Variants in MCF2L observed in about 807,000 individuals in gnomAD.
The protein encoded by MCF2L is guanine nucleotide exchange factor DBS.
MCF2L carries 97 observed loss-of-function variants against 153.4 expected under a neutral mutation model. The ratio of observed to expected loss-of-function variants is 0.63; its 90% CI spans 0.54 to 0.75. The LOEUF (loss-of-function observed/expected upper bound fraction) is 0.75. Ranked by LOEUF, MCF2L falls within the 30% of genes least tolerant of loss-of-function variation. The probability of loss-of-function intolerance (pLI) is 0.00; values close to 1 mark genes in which losing one functional copy is unlikely to be tolerated. For missense variants in MCF2L, 1,347 were observed against 1,495.2 expected (o/e 0.90, Z 1.64); for synonymous variants, 659 against 632.2 (o/e 1.04, Z -0.64).
At chr13:113,034,188 G>A (rs2141406816) in intron 3 of MCF2L, 1 of 148,538 alleles carries the variant, frequency 6.7e-6, no homozygotes, top group Admixed American at 6.7e-5. Flanking sequence ...CCAGGCTGGA[G>A]TGCGGTGGCA....
intron 2 of MCF2L, among the ~76,000 whole-genome samples, chr13:113,016,485 A>G (rs1308762467): frequency 6.6e-6 from 1 of 152,166 alleles, no homozygotes; most frequent in Non-Finnish European, 1.5e-5. Flanking sequence ...GTGGGCCCAG[A>G]GACCCTGAGC....
chr13:112,915,721 TTTTTGTG>T (rs2081284726), intron 2 of MCF2L, among the ~76,000 whole-genome samples: 1 of 152,140 alleles, frequency 6.6e-6, no homozygotes, highest in South Asian at 2.1e-4. Context: ...TTCTTGTCAA[TTTTTGTG>T]CTTCCCATCT....
intron 1 of MCF2L, among the ~76,000 whole-genome samples, chr13:112,987,982 G>A (rs2082718947): frequency 1.3e-5 from 2 of 152,366 alleles, no homozygotes; most frequent in South Asian, 4.1e-4. Flanking sequence ...CAGAGAAGGG[G>A]AAAAGGGCTG....
At chr13:113,006,336 G>A (rs2083692319) in intron 1 of MCF2L, among the ~76,000 whole-genome samples, 1 of 152,216 alleles carries the variant, frequency 6.6e-6, no homozygotes, top group African/African-American at 2.4e-5. Context: ...TTTAAAACAA[G>A]GATGATGAGG....
chr13:113,076,934 G>A (rs556857118), intron 12 of MCF2L, 118 bp from the exon 13 acceptor site: 27 of 1,099,530 alleles, frequency 2.5e-5, no homozygotes, highest in Non-Finnish European at 3.1e-5. Flanking sequence ...GACAGACCCC[G>A]CATGGAGAAC....
chr13:112,981,351 T>C (rs544711637), intron 1 of MCF2L, among the ~76,000 whole-genome samples: 150 of 151,444 alleles, frequency 9.9e-4, no homozygotes, highest in Non-Finnish European at 6.5e-4. Context: ...CGACAGGGCC[T>C]CTCTGCGGTG....
intron 26 of MCF2L, among the ~76,000 whole-genome samples, chr13:113,093,022 C>T (rs371271090): frequency 1.3e-5 from 2 of 152,222 alleles, no homozygotes; most frequent in African/African-American, 2.4e-5. Context: ...AGCAGCCCCC[C>T]TTTTTTTGTT....
intron 1 of MCF2L, among the ~76,000 whole-genome samples, chr13:112,971,979 G>C (rs1297766265): frequency 7.2e-5 from 11 of 152,248 alleles, no homozygotes; most frequent in Non-Finnish European, 1.5e-4. Flanking sequence ...CACCTTGGGG[G>C]CTTGTTAAAG....
chr13:112,956,273 A>C (rs879605628), intron 2 of MCF2L: 3 of 152,240 alleles, frequency 2.0e-5, no homozygotes, highest in Non-Finnish European at 4.4e-5. Context: ...GATCCAGGTT[A>C]AAAAAAGAAA....
chr13:112,944,072 C>T (rs1166477715), intron 2 of MCF2L, among the ~76,000 whole-genome samples: 1 of 137,628 alleles, frequency 7.3e-6, no homozygotes, highest in Non-Finnish European at 1.5e-5. Context: ...GGGGGAGCGT[C>T]TTGGCTGAGG....
chr13:113,050,146 ATGTGTGAG>A lies in MCF2L; in HGVS notation c.369+4798_369+4805del, dbSNP rs970549192. Among the ~76,000 whole-genome samples the A allele has an allele frequency of 6.6e-5, 10 of 151,882 alleles. 1 individual carries two copies. Among genetic ancestry groups the A allele is most frequent in the African/African-American group, 1.9e-4 (8 of 41,390 alleles). On this transcript the variant is annotated intron_variant, in intron 4 of 29. Coordinates refer to ENST00000535094, the MANE Select transcript of MCF2L (RefSeq NM_001112732.3). Reference sequence around the variant, plus strand: ...ATCTAACCCTCTTCCACTGTACTGCATGTGTGAGTGTGTGAGTGTGAGTGTGTGACTGT... The same window carrying A: ...ATCTAACCCTCTTCCACTGTACTGCATGTGTGAGTGTGAGTGTGTGACTGT...
chr13:113,013,075 A>G (rs561555733), intron 1 of MCF2L, among the ~76,000 whole-genome samples: 26 of 152,272 alleles, frequency 1.7e-4, no homozygotes, highest in African/African-American at 5.3e-4. Context: ...CTCAGGTCAC[A>G]GTCGCTCCTG....
intron 4 of MCF2L, among the ~76,000 whole-genome samples, chr13:113,050,014 A>AC (rs1381856831): frequency 6.7e-6 from 1 of 149,916 alleles, no homozygotes; most frequent in African/African-American, 2.5e-5. Context: ...ACAGCTACCC[A>AC]CCCAGGGGGC....
At chr13:112,972,510 G>GGATGAGCAAAAGCTGTGTGCTGCCTCC (rs2082076935) in intron 1 of MCF2L, among the ~76,000 whole-genome samples, 1 of 150,336 alleles carries the variant, frequency 6.7e-6, no homozygotes, top group African/African-American at 2.4e-5. Context: ...ATGGATGGAT[G>GGATGAGCAAAAGCTGTGTGCTGCCTCC]TGTGAGTGGA....
chr13:113,052,829 T>A (rs2087449166), intron 4 of MCF2L: 1 of 151,430 alleles, frequency 6.6e-6, no homozygotes, highest in South Asian at 2.1e-4. Context: ...CACAGACACA[T>A]CACACAGACA....
At chr13:113,090,602 T>C (rs1423553702) in intron 26 of MCF2L, 2 of 985,322 alleles carry the variant, frequency 2.0e-6, no homozygotes, top group Non-Finnish European at 2.4e-6. Context: ...CGGAGACGTC[T>C]AATGCCCTGC....
chr13:112,992,115 T>C (rs2082918315), intron 1 of MCF2L, among the ~76,000 whole-genome samples: 1 of 152,150 alleles, frequency 6.6e-6, no homozygotes, highest in Admixed American at 6.5e-5. Flanking sequence ...ATGCACAAAA[T>C]TAAAACAGTG....
At chr13:112,977,132 C>T (rs916391353) in intron 1 of MCF2L, among the ~76,000 whole-genome samples, 4 of 152,224 alleles carry the variant, frequency 2.6e-5, no homozygotes, top group Non-Finnish European at 5.9e-5. Context: ...CAACTCCCTA[C>T]TCCACGACTA....
At position 113,053,289 on chromosome 13, in the gene MCF2L, C is replaced by T. The variant is rs571222645; in HGVS notation, c.370-7304C>T. ...CCGTCAGCTGTCCACCCTTCTCAGT[C>T]GTCTCTAATCCACCCAGTTGTTGGT... On this transcript the variant is annotated intron_variant, in intron 4 of 29. Coordinates refer to ENST00000535094, the MANE Select transcript of MCF2L (RefSeq NM_001112732.3). This position sits in a 1 kb window ranked among gnomAD's most constrained non-coding sequence, Gnocchi z 4.4. Among the ~76,000 whole-genome samples, 21 of 152,320 alleles carry T rather than the reference C, an allele frequency of 1.4e-4. No homozygotes were observed. Among genetic ancestry groups the T allele is most frequent in the Admixed American group, 1.2e-3 (18 of 15,308 alleles).
Sources: allele counts gnomAD v4.1 joint callset (sites outside exome capture counted in the v4.1 genomes callset), GRCh38; gene constraint gnomAD v4.1.1; non-coding constraint Gnocchi (gnomAD v3.1); transcripts MANE v1.5; gene names NCBI Gene and HGNC (gene_info 2026-07-23, HGNC 2026-07-21).